UGT1A8: variants seen among roughly 807,000 people sequenced by gnomAD.
UGT1A8 encodes the protein UDP glucuronosyltransferase family 1 member A8, also known as UDP-glucuronosyltransferase 1A8.
A neutral mutation model predicts 45.3 loss-of-function variants in UGT1A8; 39 were observed. That is an observed-to-expected ratio of 0.86 (90% CI 0.67 to 1.12). The LOEUF (loss-of-function observed/expected upper bound fraction) is 1.12, where lower values mean the gene tolerates loss of function less well. UGT1A8 is among the 50% of genes most tolerant of loss of function. UGT1A8 has a pLI of 0.00. For synonymous variants in UGT1A8, 275 were observed against 249.2 expected, an observed-to-expected ratio of 1.10 and a Z score of -0.97; for missense variants, 719 against 664.9, an observed-to-expected ratio of 1.08 and a Z score of -0.90.
At chr2:233,666,632 G>C (rs2074080827) in intron 1 of UGT1A8, among the ~76,000 whole-genome samples, 1 of 151,074 alleles carries the variant, frequency 6.6e-6, no homozygotes, top group African/African-American at 2.4e-5. Context: ...TTGTTTGTTT[G>C]TTTTTATTTT....
intron 1 of UGT1A8, among the ~76,000 whole-genome samples, chr2:233,652,610 A>G (rs954604182): frequency 3.3e-5 from 5 of 152,206 alleles, no homozygotes; most frequent in African/African-American, 1.2e-4. Flanking sequence ...AATTGTCTCA[A>G]AAATGTCTTG....
chr2:233,686,223 C>A (rs2074778495), intron 1 of UGT1A8, among the ~76,000 whole-genome samples: 1 of 151,180 alleles, frequency 6.6e-6, no homozygotes, highest in Admixed American at 6.6e-5. Flanking sequence ...ATATTTGTGA[C>A]CTTGGATTTG....
intron 1 of UGT1A8, chr2:233,682,006 C>A: frequency 6.2e-7 from 1 of 1,614,136 alleles, no homozygotes; most frequent in East Asian, 2.2e-5. Flanking sequence ...GTGGCTTTGC[C>A]AAGGCAGGGA....
In UGT1A8 at chr2:233,772,258, T is replaced by A; in HGVS notation, c.1296-4T>A. On this transcript the variant is annotated splice_polypyrimidine_tract_variant and splice_region_variant and intron_variant, in intron 4 of 4. Coordinates refer to ENST00000373450, the MANE Select transcript of UGT1A8 (RefSeq NM_019076.5). The stretch of plus-strand genomic sequence containing the variant: ...AGGCATAACGAAACTGTCTTTGTGT[T>A]TAGTTACAAGGAGAACATCATGCGC... The A allele has an allele frequency of 6.2e-7, 1 of 1,614,236 alleles. No individual in the cohort carries two copies. The highest frequency in any genetic ancestry group is 8.5e-7 in the Non-Finnish European group (1 of 1,180,048).
intron 1 of UGT1A8, among the ~76,000 whole-genome samples, chr2:233,727,631 C>T (rs2077634197): frequency 1.3e-5 from 2 of 152,112 alleles, no homozygotes; most frequent in East Asian, 1.9e-4. Context: ...AGGTTGCACC[C>T]ACAGCTGAGA....
At chr2:233,731,284 C>CTTTTTTTTT (rs78127606) in intron 1 of UGT1A8, among the ~76,000 whole-genome samples, 1 of 139,768 alleles carries the variant, frequency 7.2e-6, no homozygotes. Flanking sequence ...GTTTTTCTTT[C>CTTTTTTTTT]TTTTTTTTTT....
rs759406667 is a variant in UGT1A8 at position 233,713,458 on chromosome 2, T to G, written c.856-53576T>G. ...GTGGTTCTAACAGACCCCTTTCACC[T>G]CTGCGCGGCGGTGCTGGCTAAGTAC... On this transcript the variant is annotated intron_variant, in intron 1 of 4. Coordinates refer to ENST00000373450, the MANE Select transcript of UGT1A8 (RefSeq NM_019076.5). 4 of 1,614,140 alleles carry G rather than the reference T, an allele frequency of 2.5e-6. No homozygotes were observed. The Admixed American group carries it at 6.7e-5, about 27-fold the overall frequency.
rs562987137 is a variant in UGT1A8, at chr2:233,638,781, C to CTCA, written c.855+20219_855+20220insTCA. Among the ~76,000 whole-genome samples, 208 of 152,210 alleles carry CTCA rather than the reference C, an allele frequency of 1.4e-3. 1 individual carries two copies. The highest frequency in any genetic ancestry group is 4.7e-3 in the African/African-American group (197 of 41,530). ...GGCAGATGGTTGGTGAAAGAGTGAC[C>CTCA]GTTCAGCCATCTCATAGGAAAGTGA... On this transcript the variant is annotated intron_variant, in intron 1 of 4. Coordinates refer to ENST00000373450, the MANE Select transcript of UGT1A8 (RefSeq NM_019076.5).
rs766714471 is a variant in UGT1A8 at position 233,754,631 on chromosome 2, T to C, written c.856-12403T>C. On this transcript the variant is annotated intron_variant, in intron 1 of 4. Coordinates refer to ENST00000373450, the MANE Select transcript of UGT1A8 (RefSeq NM_019076.5). ...CTCCATCTTCCTCCACTTCCACCCT[T>C]TCTTGGCCATTCTCAATGATTCTCT... The C allele has an allele frequency of 1.3e-4, 58 of 444,366 alleles. 1 individual carries two copies. Among genetic ancestry groups the C allele is most frequent in the South Asian group, 8.9e-4 (56 of 63,060 alleles). The allele number at this position is 444,366 out of a possible 1,614,324, so 27.5% of individuals were successfully genotyped here.
intron 1 of UGT1A8, among the ~76,000 whole-genome samples, chr2:233,672,966 C>A (rs1002609299): frequency 1.3e-5 from 2 of 152,144 alleles, no homozygotes; most frequent in Non-Finnish European, 2.9e-5. Context: ...TATAAAACTG[C>A]CCTTCTTGAA....
At chr2:233,690,639 A>T in intron 1 of UGT1A8, 1 of 1,287,678 alleles carries the variant, frequency 7.8e-7, no homozygotes, top group Non-Finnish European at 1.0e-6. Flanking sequence ...ACCTGAGGAC[A>T]CCTTGACTCC....
At chr2:233,716,805 C>T (rs889271295) in intron 1 of UGT1A8, among the ~76,000 whole-genome samples, 2 of 152,120 alleles carry the variant, frequency 1.3e-5, no homozygotes, top group Non-Finnish European at 2.9e-5. Context: ...TGTCTCTGGA[C>T]GTTGCTGGGG....
Position 233,747,172 on chromosome 2 carries a change from C to A in UGT1A8, c.856-19862C>A. 9 of 1,596,738 alleles carry A rather than the reference C, an allele frequency of 5.6e-6. No homozygotes were observed. The South Asian group carries it at 1.0e-4, about 18-fold the overall frequency. On this transcript the variant is annotated intron_variant, in intron 1 of 4. Transcript: ENST00000373450. Reference sequence around the variant, plus strand: ...ATGAAGAAAACAAATGTAGGAGGCACAGCGTGGGGTGGACAGTCAGCTGTC... The same window carrying A: ...ATGAAGAAAACAAATGTAGGAGGCAAAGCGTGGGGTGGACAGTCAGCTGTC...
intron 1 of UGT1A8, chr2:233,708,835 T>G (rs2076042960): frequency 6.6e-6 from 1 of 152,160 alleles, no homozygotes; most frequent in South Asian, 2.1e-4. Context: ...GTGAATTTGT[T>G]GCAGGGCTTT....
At chr2:233,678,013 T>G (rs1219955723) in intron 1 of UGT1A8, among the ~76,000 whole-genome samples, 1 of 152,138 alleles carries the variant, frequency 6.6e-6, no homozygotes, top group African/African-American at 2.4e-5. Context: ...TCATGTCCTT[T>G]GTAACAACAT....
Position 233,693,065 on chromosome 2 carries a change from T to C in UGT1A8, c.856-73969T>C, listed in dbSNP as rs1209922718. On this transcript the variant is annotated intron_variant, in intron 1 of 4. Coordinates refer to ENST00000373450, the MANE Select transcript of UGT1A8 (RefSeq NM_019076.5). ...TGCAGGGGTTTTCTTCTTAGCACTT[T>C]GGGGCATGGTTGTAGGTGACAAGCT... 3 of 1,614,026 alleles carry C rather than the reference T, an allele frequency of 1.9e-6. No individual in the cohort carries two copies. In the African/African-American group the frequency reaches 4.0e-5, roughly 22 times the overall value.
intron 1 of UGT1A8, among the ~76,000 whole-genome samples, chr2:233,726,632 C>T (rs2077548155): frequency 6.6e-6 from 1 of 152,176 alleles, no homozygotes; most frequent in Admixed American, 6.5e-5. Flanking sequence ...CCAGGACAAT[C>T]TCCCCATCTT....
intron 1 of UGT1A8, chr2:233,729,685 T>C (rs1293517562): frequency 6.2e-7 from 1 of 1,613,978 alleles, no homozygotes; most frequent in Admixed American, 1.7e-5. Context: ...GGGCACACAG[T>C]GTCCAAACCC....
intron 1 of UGT1A8, among the ~76,000 whole-genome samples, chr2:233,686,474 C>T (rs1370676461): frequency 6.6e-6 from 1 of 151,930 alleles, no homozygotes; most frequent in East Asian, 1.9e-4. Flanking sequence ...TTTTTCCTTT[C>T]CTATGAAACT....
Sources: allele counts gnomAD v4.1 joint callset (sites outside exome capture counted in the v4.1 genomes callset), GRCh38; gene constraint gnomAD v4.1.1; transcripts MANE v1.5; gene names NCBI Gene and HGNC (gene_info 2026-07-23, HGNC 2026-07-21).